The following DLG2 variants were observed in gnomAD, a reference collection of about 807,000 sequenced individuals.
DLG2 encodes disks large homolog 2.
Under a neutral mutation model 132.5 loss-of-function variants are expected in DLG2, and 45 were observed. The ratio of observed to expected loss-of-function variants is 0.34; its 90% CI spans 0.27 to 0.44. The LOEUF (loss-of-function observed/expected upper bound fraction) is 0.44, where lower values mean the gene tolerates loss of function less well. Ranked by LOEUF, DLG2 falls within the 20% of genes least tolerant of loss-of-function variation. DLG2 has a pLI of 1.00. For missense variants in DLG2, 1,045 were observed against 1,196.9 expected, an observed-to-expected ratio of 0.87 and a Z score of 1.87; for synonymous variants, 424 against 419.6, an observed-to-expected ratio of 1.01 and a Z score of -0.13.
chr11:84,356,215 A>G (rs2098610449), intron 7 of DLG2, among the ~76,000 whole-genome samples: 1 of 152,286 alleles, frequency 6.6e-6, no homozygotes, highest in East Asian at 1.9e-4. Context: ...TGTAATTACC[A>G]CAAATGTACA....
At chr11:84,155,997 T>C (rs963226521) in intron 9 of DLG2, among the ~76,000 whole-genome samples, 1 of 152,196 alleles carries the variant, frequency 6.6e-6, no homozygotes, top group Non-Finnish European at 1.5e-5. Flanking sequence ...AGGATGAAGG[T>C]ATGCCATTTA....
At chr11:84,788,221 T>C (rs1433707351) in intron 6 of DLG2, among the ~76,000 whole-genome samples, 1 of 149,358 alleles carries the variant, frequency 6.7e-6, no homozygotes, top group East Asian at 2.0e-4. Context: ...ACAAAATCAG[T>C]CACAAATAAT....
rs188846646 is a variant in DLG2 at position 85,580,559 on chromosome 11, T to A, written c.40+18098A>T. On this transcript the variant is annotated intron_variant, in intron 3 of 27. Transcript: ENST00000376104. ...GTGCTAGGCACAGTGAGAAATGCAA[T>A]ACACATATTAATTTATTTTTCCTGA... Among the ~76,000 whole-genome samples the A allele has an allele frequency of 2.2e-3, 329 of 152,342 alleles. 1 individual carries two copies. Among genetic ancestry groups the A allele is most frequent in the African/African-American group, 7.6e-3 (316 of 41,580 alleles).
At chr11:85,408,743 T>A (rs1488561994) in intron 3 of DLG2, among the ~76,000 whole-genome samples, 1 of 151,810 alleles carries the variant, frequency 6.6e-6, no homozygotes, top group African/African-American at 2.4e-5. Context: ...TTTTTATGGC[T>A]ACATAGTATT....
chr11:84,352,056 G>T (rs1337588565), intron 7 of DLG2, among the ~76,000 whole-genome samples: 2 of 152,180 alleles, frequency 1.3e-5, no homozygotes, highest in Non-Finnish European at 2.9e-5. Flanking sequence ...CTTTGGAAAG[G>T]TTTATTGATT....
intron 12 of DLG2, among the ~76,000 whole-genome samples, chr11:83,975,895 T>C (rs555097940): frequency 1.8e-4 from 27 of 152,092 alleles, no homozygotes; most frequent in African/African-American, 6.0e-4. Flanking sequence ...TTAATGATAC[T>C]TATTACCTAA....
chr11:84,142,466 T>G (rs914759897), intron 9 of DLG2, among the ~76,000 whole-genome samples: 1 of 152,122 alleles, frequency 6.6e-6, no homozygotes, highest in Non-Finnish European at 1.5e-5. Flanking sequence ...TTGGTCAGTG[T>G]GATGATTAAT....
chr11:84,605,507 C>T (rs750821735), intron 6 of DLG2, among the ~76,000 whole-genome samples: 10 of 151,236 alleles, frequency 6.6e-5, no homozygotes, highest in African/African-American at 1.7e-4. Flanking sequence ...CTTTAATTCA[C>T]ATTCCATTGC....
chr11:85,363,938 G>C (rs998362084), intron 3 of DLG2, among the ~76,000 whole-genome samples: 1 of 152,098 alleles, frequency 6.6e-6, no homozygotes, highest in Non-Finnish European at 1.5e-5. Context: ...TTGGTTCATA[G>C]GATTAAAGTG....
At chr11:84,661,320 T>C (rs1014720419) in intron 6 of DLG2, among the ~76,000 whole-genome samples, 2 of 152,174 alleles carry the variant, frequency 1.3e-5, no homozygotes, top group African/African-American at 4.8e-5. Context: ...GTAGAATGGA[T>C]TACAAAGTCT....
intron 11 of DLG2, among the ~76,000 whole-genome samples, chr11:83,992,815 A>G (rs572967502): frequency 1.3e-5 from 2 of 152,272 alleles, no homozygotes; most frequent in East Asian, 3.9e-4. Flanking sequence ...AGGACACTAA[A>G]GAAGTTCTCA....
rs1453309031 is a variant in DLG2 at position 84,222,221 on chromosome 11, G to A, written c.573+29017C>T. Among the ~76,000 whole-genome samples the A allele has an allele frequency of 2.0e-5, 3 of 151,908 alleles. No individual in the cohort carries two copies. The East Asian group carries it at 5.8e-4, about 29-fold the overall frequency. ...CTAATTTTTTGTATTTAGTAGAGATGGGGTTTCACCATGTTGGCCAGTCTG... is the reference window on the plus strand; with the variant it reads ...CTAATTTTTTGTATTTAGTAGAGATAGGGTTTCACCATGTTGGCCAGTCTG... On this transcript the variant is annotated intron_variant, in intron 8 of 27. Coordinates refer to ENST00000376104, the MANE Select transcript of DLG2 (RefSeq NM_001142699.3).
Position 84,805,763 on chromosome 11 carries a change from A to G in DLG2, c.358-271032T>C, listed in dbSNP as rs368678487. 3.3e-5 allele frequency among the ~76,000 whole-genome samples: 5 copies of G among 152,200 alleles called. No homozygotes were observed. In the East Asian group the frequency reaches 7.7e-4, roughly 23 times the overall value. On this transcript the variant is annotated intron_variant, in intron 6 of 27. Transcript: ENST00000376104. ...CAAGCAGATGCTAGCATCATGCTTC[A>G]TATACAGCCTGCAGAACCATGAGAC...
chr11:84,084,872 C>T (rs1344760075), intron 10 of DLG2, among the ~76,000 whole-genome samples: 1 of 152,132 alleles, frequency 6.6e-6, no homozygotes, highest in Non-Finnish European at 1.5e-5. Context: ...GATGTTTCCT[C>T]CTAGTAATTT....
At chr11:84,712,619 C>A (rs1335163611) in intron 6 of DLG2, among the ~76,000 whole-genome samples, 4 of 152,032 alleles carry the variant, frequency 2.6e-5, no homozygotes, top group Non-Finnish European at 5.9e-5. Context: ...TTGACTCTAT[C>A]TGCAATCTAC....
intron 7 of DLG2, among the ~76,000 whole-genome samples, chr11:84,369,306 C>G (rs1308980796): frequency 6.6e-6 from 1 of 152,110 alleles, no homozygotes; most frequent in Non-Finnish European, 1.5e-5. Flanking sequence ...TTTTAAACCA[C>G]TGTGCTACTC....
chr11:83,517,915 G>T (rs1171126158), intron 21 of DLG2, among the ~76,000 whole-genome samples: 1 of 152,192 alleles, frequency 6.6e-6, no homozygotes, highest in Non-Finnish European at 1.5e-5. Flanking sequence ...GCCATGTGAG[G>T]TGTCAGTCTG....
intron 18 of DLG2, among the ~76,000 whole-genome samples, chr11:83,775,871 T>C (rs980687422): frequency 5.9e-5 from 9 of 152,134 alleles, no homozygotes; most frequent in Non-Finnish European, 1.3e-4. Context: ...GGCGGGCGGA[T>C]CACAAGATCA....
chr11:83,876,977 T>C (rs1303601167), intron 15 of DLG2, among the ~76,000 whole-genome samples: 2 of 152,164 alleles, frequency 1.3e-5, no homozygotes, highest in Admixed American at 6.5e-5. Context: ...GCTTTAATAT[T>C]ATAAACAGTG....
Sources: allele counts gnomAD v4.1 joint callset (sites outside exome capture counted in the v4.1 genomes callset), GRCh38; gene constraint gnomAD v4.1.1; transcripts MANE v1.5; gene names NCBI Gene and HGNC (gene_info 2026-07-23, HGNC 2026-07-21).